The following APBA2 variants were observed in gnomAD, a reference collection of about 807,000 sequenced individuals.
The protein encoded by APBA2 is amyloid-beta A4 precursor protein-binding family A member 2.
In APBA2, 30 loss-of-function variants were observed where a neutral mutation model predicts 75.0. The ratio of observed to expected loss-of-function variants is 0.40; its 90% CI spans 0.30 to 0.54. The LOEUF is 0.54. APBA2 is among the 20% of genes least tolerant of loss of function. The probability of loss-of-function intolerance (pLI) is 0.49; values close to 1 mark genes in which losing one functional copy is unlikely to be tolerated. For missense variants in APBA2, 801 were observed against 1,016.1 expected (o/e 0.79, Z 2.88); for synonymous variants, 444 against 409.6 (o/e 1.08, Z -1.01).
intron 3 of APBA2, among the ~76,000 whole-genome samples, chr15:29,041,596 A>G (rs2041050198): frequency 2.0e-5 from 3 of 152,114 alleles, no homozygotes; most frequent in Admixed American, 2.0e-4. Flanking sequence ...CGTATGCTGG[A>G]GACTAAAGAA....
intron 3 of APBA2, among the ~76,000 whole-genome samples, chr15:29,027,561 CAATT>C (rs1169387484): frequency 6.6e-6 from 1 of 151,738 alleles, no homozygotes; most frequent in African/African-American, 2.4e-5. Flanking sequence ...GGCCAACTTT[CAATT>C]AATTACTGTC....
intron 4 of APBA2, among the ~76,000 whole-genome samples, chr15:29,067,208 C>G (rs545593890): frequency 6.6e-6 from 1 of 152,302 alleles, no homozygotes; most frequent in African/African-American, 2.4e-5. Flanking sequence ...GGCCCCACTT[C>G]CAGCATTGGG....
rs1285113605 is a variant in APBA2, at chr15:29,117,878, C to G, written c.*745C>G. The G allele has an allele frequency of 6.6e-6, 1 of 150,792 alleles. No individual in the cohort carries two copies. Among genetic ancestry groups the G allele is most frequent in the Non-Finnish European group, 1.5e-5 (1 of 68,022 alleles). 9.3% of individuals were successfully genotyped at this position (150,792 alleles called of 1,614,324 possible). On this transcript the variant is annotated 3_prime_UTR_variant, in exon 15 of 15. Transcript: ENST00000683413. Reference sequence around the variant, plus strand: ...CCCGGCTGCATACCCGGGCAGGGCTCCCACAGAGACAAGGAGGGCACAGGT... The same window carrying G: ...CCCGGCTGCATACCCGGGCAGGGCTGCCACAGAGACAAGGAGGGCACAGGT...
intron 4 of APBA2, among the ~76,000 whole-genome samples, chr15:29,069,426 G>A (rs925037878): frequency 2.6e-5 from 4 of 152,140 alleles, no homozygotes; most frequent in African/African-American, 7.2e-5. Context: ...CCGTTTTTAG[G>A]AACCACAGAT....
At chr15:29,066,210 A>T (rs566007212) in intron 4 of APBA2, among the ~76,000 whole-genome samples, 2 of 152,142 alleles carry the variant, frequency 1.3e-5, no homozygotes, top group East Asian at 3.9e-4. Context: ...TCTTCGAGAG[A>T]GGGAGGTCAT....
chr15:29,096,627 A>G (rs945687905), intron 8 of APBA2, among the ~76,000 whole-genome samples: 6 of 152,264 alleles, frequency 3.9e-5, no homozygotes, highest in African/African-American at 1.4e-4. Context: ...AGAAAGCCCA[A>G]AAGACCCTTT....
chr15:28,937,845 G>C (rs1166486393), intron 2 of APBA2, among the ~76,000 whole-genome samples: 4 of 152,068 alleles, frequency 2.6e-5, no homozygotes, highest in African/African-American at 4.8e-5. Context: ...TTTTGGTAGA[G>C]ACGGGGTTTG....
intron 2 of APBA2, among the ~76,000 whole-genome samples, chr15:28,924,036 C>T (rs969023321): frequency 6.6e-6 from 1 of 152,190 alleles, no homozygotes; most frequent in South Asian, 2.1e-4. Flanking sequence ...TCAACCTGGC[C>T]ACCCTTAAGC....
chr15:28,932,439 A>C (rs2034613214), intron 2 of APBA2, among the ~76,000 whole-genome samples: 1 of 152,198 alleles, frequency 6.6e-6, no homozygotes, highest in Non-Finnish European at 1.5e-5. Flanking sequence ...GCAGGATGTG[A>C]CAATGCAGGT....
chr15:28,972,624 G>A (rs1002447814), intron 2 of APBA2, among the ~76,000 whole-genome samples: 2 of 152,360 alleles, frequency 1.3e-5, no homozygotes, highest in South Asian at 4.1e-4. Flanking sequence ...TTTATGCCCA[G>A]CCAATGGTTC....
intron 3 of APBA2, among the ~76,000 whole-genome samples, chr15:29,000,046 G>C (rs2038760738): frequency 6.6e-6 from 1 of 152,162 alleles, no homozygotes; most frequent in African/African-American, 2.4e-5. Context: ...CCTCACTGGA[G>C]TGGACGATGC....
intron 3 of APBA2, among the ~76,000 whole-genome samples, chr15:29,044,611 G>A (rs2041212675): frequency 6.6e-6 from 1 of 152,052 alleles, no homozygotes; most frequent in South Asian, 2.1e-4. Context: ...ACCCCCCCTG[G>A]GCTCATATGG....
At chr15:29,067,524 A>G (rs1027886476) in intron 4 of APBA2, among the ~76,000 whole-genome samples, 2 of 152,124 alleles carry the variant, frequency 1.3e-5, no homozygotes, top group African/African-American at 4.8e-5. Context: ...TAGGTCTTGT[A>G]TGGGTCATGA....
chr15:28,973,515 T>C (rs2037177944), intron 2 of APBA2, among the ~76,000 whole-genome samples: 1 of 152,172 alleles, frequency 6.6e-6, no homozygotes, highest in South Asian at 2.1e-4. Flanking sequence ...AGGATGAAGG[T>C]GTTAAAAATT....
chr15:28,976,286 T>A (rs892456428), intron 2 of APBA2, among the ~76,000 whole-genome samples: 3 of 152,364 alleles, frequency 2.0e-5, no homozygotes, highest in African/African-American at 7.2e-5. Flanking sequence ...TAATGACAGT[T>A]GGCTTTCATT....
At position 28,918,042 on chromosome 15, in the gene APBA2, G is replaced by A. The variant is rs1370081931; in HGVS notation, c.-204-3598G>A. 6.6e-6 allele frequency among the ~76,000 whole-genome samples: 1 copy of A among 152,198 alleles called. No individual in the cohort carries two copies. The highest frequency in any genetic ancestry group is 1.5e-5 in the Non-Finnish European group (1 of 68,034). The stretch of plus-strand genomic sequence containing the variant: ...TGGGGCAAGGAAGCTGCCCCCAGTC[G>A]GTCCCCGAGGATTCTGCCCAGATAG... On this transcript the variant is annotated intron_variant, in intron 1 of 14. Coordinates refer to ENST00000683413, the MANE Select transcript of APBA2 (RefSeq NM_001353788.2). This position sits in a 1 kb window ranked among gnomAD's most constrained non-coding sequence, Gnocchi z 4.2.
rs369961204 is a variant in APBA2 at position 29,106,734 on chromosome 15, A to G, written c.1832A>G (p.Lys611Arg). 16 of 1,612,900 alleles carry G rather than the reference A, an allele frequency of 9.9e-6. No individual in the cohort carries two copies. In the African/African-American group the frequency reaches 2.0e-4, roughly 20 times the overall value. ...MNGGPAARSG[K>R]LSIGDQIMSI... is the part of the protein sequence containing the mutation. ...GGCGGCCCGGCTGCCCGCTCGGGGAAGCTGAGCATCGGGGACCAGATCATG... is the reference window on the plus strand; with the variant it reads ...GGCGGCCCGGCTGCCCGCTCGGGGAGGCTGAGCATCGGGGACCAGATCATG... Residue 611 changes from lysine (K) to arginine (R), a missense_variant, in exon 12 of 15, where the codon AAG (lysine) becomes AGG (arginine). By Grantham distance (26) the Lys-to-Arg change is conservative. Coordinates refer to ENST00000683413, the MANE Select transcript of APBA2 (RefSeq NM_001353788.2).
chr15:28,921,913 C>CT (rs2033991105), intron 2 of APBA2, among the ~76,000 whole-genome samples, 164 bp downstream of exon 2: 1 of 152,224 alleles, frequency 6.6e-6, no homozygotes, highest in Non-Finnish European at 1.5e-5. Flanking sequence ...TTTTTGCTTT[C>CT]TGCTTTCACA....
At chr15:28,928,827 G>A (rs2034414599) in intron 2 of APBA2, among the ~76,000 whole-genome samples, 1 of 152,020 alleles carries the variant, frequency 6.6e-6, no homozygotes, top group Non-Finnish European at 1.5e-5. Context: ...GAAAGTTTTG[G>A]GCCCCCCTAA....
Sources: allele counts gnomAD v4.1 joint callset (sites outside exome capture counted in the v4.1 genomes callset), GRCh38; gene constraint gnomAD v4.1.1; non-coding constraint Gnocchi (gnomAD v3.1); transcripts MANE v1.5; gene names NCBI Gene and HGNC (gene_info 2026-07-23, HGNC 2026-07-21).